The following FOCAD variants were observed in gnomAD, a reference collection of about 807,000 sequenced individuals.
The protein encoded by FOCAD is KIAA1797.
Under a neutral mutation model 225.6 loss-of-function variants are expected in FOCAD, and 198 were observed. The observed-to-expected ratio is 0.88, with a 90% CI of 0.78 to 0.99. The LOEUF is 0.99. Ranked by LOEUF, FOCAD falls within the 50% of genes least tolerant of loss-of-function variation. The probability of loss-of-function intolerance (pLI) is 0.00; values close to 1 mark genes in which losing one functional copy is unlikely to be tolerated. For missense variants in FOCAD, 2,713 were observed against 2,123.6 expected, an observed-to-expected ratio of 1.28 and a Z score of -5.46; for synonymous variants, 897 against 755.0, an observed-to-expected ratio of 1.19 and a Z score of -3.08.
intron 35 of FOCAD, among the ~76,000 whole-genome samples, chr9:20,969,259 T>C (rs901719480): frequency 2.6e-5 from 4 of 152,176 alleles, no homozygotes; most frequent in African/African-American, 9.7e-5. Context: ...TGAGTGGAAC[T>C]GTTCTAGCTA....
chr9:20,797,348 G>T (rs1009586237), intron 11 of FOCAD, among the ~76,000 whole-genome samples: 9 of 152,140 alleles, frequency 5.9e-5, no homozygotes, highest in Non-Finnish European at 1.2e-4. Flanking sequence ...TTCCAATTCT[G>T]TGAAGAAAGT....
At chr9:20,855,062 G>A (rs1164037832) in intron 15 of FOCAD, among the ~76,000 whole-genome samples, 1 of 151,620 alleles carries the variant, frequency 6.6e-6, no homozygotes, top group Non-Finnish European at 1.5e-5. Context: ...AGGAAAAAAT[G>A]TTATATCTGG....
intron 10 of FOCAD, among the ~76,000 whole-genome samples, chr9:20,784,351 A>T (rs1819697206): frequency 6.6e-6 from 1 of 152,200 alleles, no homozygotes; most frequent in Non-Finnish European, 1.5e-5. Flanking sequence ...CTAACACTAG[A>T]CCAGAGGGCA....
At chr9:20,852,479 T>A (rs1157124743) in intron 15 of FOCAD, among the ~76,000 whole-genome samples, 1 of 148,194 alleles carries the variant, frequency 6.7e-6, no homozygotes, top group African/African-American at 2.5e-5. Context: ...AGGGTGGGGG[T>A]GGGAGGATAG....
chr9:20,872,377 A>T (rs967834927), intron 18 of FOCAD, among the ~76,000 whole-genome samples: 9 of 152,268 alleles, frequency 5.9e-5, no homozygotes, highest in South Asian at 2.1e-4. Context: ...GTTGTACAGA[A>T]ATGATCATAT....
intron 11 of FOCAD, among the ~76,000 whole-genome samples, chr9:20,815,794 C>T (rs746048569): frequency 2.0e-5 from 3 of 152,054 alleles, no homozygotes; most frequent in Non-Finnish European, 2.9e-5. Flanking sequence ...TATTTTCAGC[C>T]TCTGAAGGGT....
rs368497237 is a variant in FOCAD, at chr9:20,845,442, G to GAGATATATATATATATATATAT, written c.1921-17135_1921-17134insGATATATATATATATATATATA. ...GATATATTTTATGCATCTTTTCCTC[G>GAGATATATATATATATATATAT]ATATATATATATATATATATATATG... On this transcript the variant is annotated intron_variant, in intron 15 of 43. Coordinates refer to ENST00000338382, the MANE Select transcript of FOCAD (RefSeq NM_001375567.1). 2.4e-3 allele frequency among the ~76,000 whole-genome samples: 287 copies of GAGATATATATATATATATATAT among 121,152 alleles called. 5 individuals are homozygous for GAGATATATATATATATATATAT. Among genetic ancestry groups the GAGATATATATATATATATATAT allele is most frequent in the African/African-American group, 4.7e-3 (149 of 31,524 alleles). The allele number at this position is 121,152 out of a possible 152,430, so 79.5% of individuals were successfully genotyped here.
At chr9:20,779,143 T>G (rs994612141) in intron 9 of FOCAD, among the ~76,000 whole-genome samples, 10 of 152,222 alleles carry the variant, frequency 6.6e-5, no homozygotes, top group Non-Finnish European at 1.5e-4. Context: ...TCTCCATACC[T>G]TAACTATTCA....
intron 1 of FOCAD, among the ~76,000 whole-genome samples, chr9:20,685,095 G>A (rs1387459625): frequency 6.6e-6 from 1 of 152,012 alleles, no homozygotes; most frequent in Admixed American, 6.6e-5. Flanking sequence ...TTTTTTGATG[G>A]ATGCCTTAAT....
intron 15 of FOCAD, among the ~76,000 whole-genome samples, chr9:20,836,785 C>A (rs973888943): frequency 1.3e-5 from 2 of 151,558 alleles, no homozygotes; most frequent in Non-Finnish European, 2.9e-5. Context: ...TAATAGAATA[C>A]CATTCAGTAC....
At chr9:20,994,068 TTTTTAA>T (rs1459130014) in intron 43 of FOCAD, among the ~76,000 whole-genome samples, 2 of 152,222 alleles carry the variant, frequency 1.3e-5, no homozygotes, top group Non-Finnish European at 2.9e-5. Context: ...AAATACTGCC[TTTTTAA>T]TTTTAACATT....
intron 5 of FOCAD, among the ~76,000 whole-genome samples, chr9:20,741,831 G>C (rs1273680058): frequency 6.6e-6 from 1 of 151,968 alleles, no homozygotes; most frequent in Non-Finnish European, 1.5e-5. Context: ...TTTTTAAAAA[G>C]AAATTCAAAC....
intron 39 of FOCAD, among the ~76,000 whole-genome samples, chr9:20,983,707 C>G (rs1840914897): frequency 6.6e-6 from 1 of 152,146 alleles, no homozygotes; most frequent in Non-Finnish European, 1.5e-5. Context: ...AAATCCAGCT[C>G]TGCAATTTGC....
chr9:20,832,994 G>T (rs1204121943), intron 15 of FOCAD, among the ~76,000 whole-genome samples: 1 of 152,022 alleles, frequency 6.6e-6, no homozygotes, highest in Non-Finnish European at 1.5e-5. Flanking sequence ...TCTTTACAAA[G>T]TTGCATATAC....
At chr9:20,803,563 A>G (rs1822070212) in intron 11 of FOCAD, among the ~76,000 whole-genome samples, 1 of 152,160 alleles carries the variant, frequency 6.6e-6, no homozygotes, top group Non-Finnish European at 1.5e-5. Context: ...GAACATGGGC[A>G]AGAGAACTCT....
chr9:20,745,820 C>T (rs1444435326), intron 5 of FOCAD, among the ~76,000 whole-genome samples: 1 of 152,088 alleles, frequency 6.6e-6, no homozygotes, highest in Non-Finnish European at 1.5e-5. Context: ...ATTAAATGTT[C>T]GTGGCAGATG....
In FOCAD at chr9:20,770,066, T is replaced by A; in HGVS notation, c.734T>A (p.Met245Lys). 1 of 1,614,080 alleles carries A rather than the reference T, an allele frequency of 6.2e-7. No individual in the cohort carries two copies. The highest frequency in any genetic ancestry group is 1.3e-5 in the African/African-American group (1 of 75,060). The stretch of plus-strand genomic sequence containing the variant: ...TTGATACAGACAACAGAGGCGATGA[T>A]GTTTATTGAGGAAGTATGTTTAAGC... Reference protein sequence around the residue: ...KDLIQTTEAMMFIEEVCLSLL... With the variant: ...KDLIQTTEAMKFIEEVCLSLL... The change falls in exon 8 of 44, where the codon ATG (methionine) becomes AAG (lysine). Residue 245 changes from methionine (M) to lysine (K), a missense_variant. By Grantham distance (95) the Met-to-Lys change is moderately conservative. Coordinates refer to ENST00000338382, the MANE Select transcript of FOCAD (RefSeq NM_001375567.1).
At chr9:20,935,457 A>C (rs547972014) in intron 28 of FOCAD, among the ~76,000 whole-genome samples, 1 of 152,054 alleles carries the variant, frequency 6.6e-6, no homozygotes, top group East Asian at 1.9e-4. Context: ...CTGGAGTGCA[A>C]TGGTGGAATC....
intron 1 of FOCAD, among the ~76,000 whole-genome samples, chr9:20,705,080 A>G (rs1824275177): frequency 6.6e-6 from 1 of 152,196 alleles, no homozygotes; most frequent in African/African-American, 2.4e-5. Flanking sequence ...TTAATCTGTA[A>G]AATGAGTAAC....
Sources: gnomAD v4.1 joint callset for allele counts (sites outside exome capture counted in the v4.1 genomes callset) on GRCh38, gnomAD v4.1.1 for gene constraint, MANE v1.5 for transcripts, NCBI Gene and HGNC (gene_info 2026-07-23, HGNC 2026-07-21) for gene names.